ACTR8: variants seen among roughly 807,000 people sequenced by gnomAD.
ACTR8 encodes actin-related protein 8.
Under a neutral mutation model 84.3 loss-of-function variants are expected in ACTR8, and 70 were observed. The observed-to-expected ratio is 0.83, with a 90% CI of 0.68 to 1.01. ACTR8 has a LOEUF of 1.01. Ranked by LOEUF, ACTR8 falls within the 50% of genes least tolerant of loss-of-function variation. The pLI, the probability that ACTR8 is intolerant of heterozygous loss-of-function variation, is 0.00. For synonymous variants in ACTR8, 268 were observed against 275.2 expected, an observed-to-expected ratio of 0.97 and a Z score of 0.26; for missense variants, 672 against 775.4, an observed-to-expected ratio of 0.87 and a Z score of 1.58.
Position 53,867,202 on chromosome 3 carries a change from A to AT in ACTR8, c.*1516dup, listed in dbSNP as rs1220588381. ...TTCCTTTGAAACAGCTCTACCAGTT[A>AT]TAAGAGCAATATGCTGTTAGGTGAA... On this transcript the variant is annotated 3_prime_UTR_variant, in exon 13 of 13. Transcript: ENST00000335754. 1.3e-5 allele frequency: 2 copies of AT among 152,264 alleles called. No individual in the cohort carries two copies. The highest frequency in any genetic ancestry group is 4.8e-5 in the African/African-American group (2 of 41,472). The allele number at this position is 152,264 out of a possible 1,614,324, so 9.4% of individuals were successfully genotyped here.
chr3:53,865,390 T>C (rs1259631700), downstream of ACTR8: 1 of 1,097,514 alleles, frequency 9.1e-7, no homozygotes, highest in East Asian at 2.5e-5. Context: ...TCCTGAAGCT[T>C]ACTATGCAGC....
At chr3:53,869,953 A>C in intron 12 of ACTR8, 29 bp downstream of exon 12, 1 of 1,610,610 alleles carries the variant, frequency 6.2e-7, no homozygotes, top group Non-Finnish European at 8.5e-7. Context: ...ATTTGCATAC[A>C]GTCCAACTTG....
the ACTR8 span, among the ~76,000 whole-genome samples, chr3:53,861,990 A>ACC: frequency 7.2e-5 from 11 of 152,168 alleles, no homozygotes; most frequent in African/African-American, 2.4e-4. Flanking sequence ...AAAGCTGCTA[A>ACC]CCCCCTGGCC....
chr3:53,882,119 A>C lies in ACTR8; in HGVS notation c.-18T>G. The C allele has an allele frequency of 1.3e-6, 2 of 1,550,998 alleles. No individual in the cohort carries two copies. Among genetic ancestry groups the C allele is most frequent in the African/African-American group, 2.7e-5 (2 of 73,096 alleles). On this transcript the variant is annotated 5_prime_UTR_variant, in exon 1 of 13. Coordinates refer to ENST00000335754, the MANE Select transcript of ACTR8 (RefSeq NM_022899.5). ...TGGGTCATTATGGCCGGAGACACCC[A>C]CCAACCTCTCGCCTCAGCGCTGCAG...
At chr3:53,868,979 T>C in intron 12 of ACTR8, 117 bp from the exon 13 acceptor site, 1 of 1,365,290 alleles carries the variant, frequency 7.3e-7, no homozygotes, top group Admixed American at 2.6e-5. Context: ...AGCCAGGCTT[T>C]CACCCTGTAT....
Position 53,873,040 on chromosome 3 carries a change from T to A in ACTR8, c.1153A>T (p.Lys385Ter). Residue 385 changes from lysine to a stop codon, truncating the protein, a stop_gained, in exon 9 of 13, where the codon AAA becomes TAA. Transcript: ENST00000335754. LOFTEE classifies it high-confidence loss of function. ...AGATACCTATAAGTTACCTGCAGTT[T>A]TTCATCTCCTAATCGAAACTGGTAA... ...LLYQFRLGDE[K>*]LQAPMALFYP... 2 of 1,609,040 alleles carry A rather than the reference T, an allele frequency of 1.2e-6. No individual in the cohort carries two copies. The highest frequency in any genetic ancestry group is 1.7e-6 in the Non-Finnish European group (2 of 1,176,796).
intron 1 of ACTR8, 143 bp downstream of exon 1, chr3:53,881,836 A>C: frequency 7.3e-7 from 1 of 1,371,738 alleles, no homozygotes; most frequent in Non-Finnish European, 9.8e-7. Flanking sequence ...ACCACCCGGA[A>C]AAGAACGACC....
chr3:53,860,293 G>T, the ACTR8 span: 1 of 1,357,398 alleles, frequency 7.4e-7, no homozygotes, highest in East Asian at 2.3e-5. Flanking sequence ...TTTTTTTAAA[G>T]AAGATTCCTC....
chr3:53,863,838 T>G (rs1426186150), downstream of ACTR8, among the ~76,000 whole-genome samples: 1 of 126,904 alleles, frequency 7.9e-6, no homozygotes, highest in African/African-American at 3.1e-5. Context: ...TTTTTTTTTT[T>G]TTGAGACAGG....
Position 53,874,197 on chromosome 3 carries a change from G to T in ACTR8, c.1065+14C>A. On this transcript the variant is annotated intron_variant, in intron 8 of 12. Coordinates refer to ENST00000335754, the MANE Select transcript of ACTR8 (RefSeq NM_022899.5). Reference sequence around the variant, plus strand: ...AGAAACAAAAATAATCAGCAATATTGATTCTGCTCCCACCTGATCTAAATG... The same window carrying T: ...AGAAACAAAAATAATCAGCAATATTTATTCTGCTCCCACCTGATCTAAATG... 1 of 1,593,190 alleles carries T rather than the reference G, an allele frequency of 6.3e-7. No homozygotes were observed. The highest frequency in any genetic ancestry group is 1.1e-5 in the South Asian group (1 of 87,482).
At chr3:53,866,421 T>C (rs1175390489), downstream of ACTR8, among the ~76,000 whole-genome samples, 1 of 152,112 alleles carries the variant, frequency 6.6e-6, no homozygotes, top group Non-Finnish European at 1.5e-5. Context: ...TGACAGAACA[T>C]AAAAGATGCA....
chr3:53,880,220 A>G (rs1208966850), intron 1 of ACTR8, 111 bp from the exon 2 acceptor site: 20 of 1,110,260 alleles, frequency 1.8e-5, no homozygotes, highest in Non-Finnish European at 2.3e-5. Context: ...AGGTATCAAA[A>G]TAATTCAATA....
chr3:53,878,680 T>C (rs573935206), intron 2 of ACTR8, among the ~76,000 whole-genome samples: 5 of 152,240 alleles, frequency 3.3e-5, no homozygotes, highest in African/African-American at 1.2e-4. Context: ...AGAAATTAGC[T>C]GGGTGTGGTG....
At position 53,877,382 on chromosome 3, in the gene ACTR8, CAAGG is replaced by C. The variant is rs773519349; in HGVS notation, c.512_515del (p.Ala171GlyfsTer20). On this transcript the variant is annotated frameshift_variant and splice_region_variant, in exon 5 of 13. Coordinates refer to ENST00000335754, the MANE Select transcript of ACTR8 (RefSeq NM_022899.5). LOFTEE classifies it high-confidence loss of function. ...TGTAACAGTCCAGTGGATTAACATA[CAAGG>C]CCTAGAAAAGGAGGAGGGAGATGAG... 1.4e-5 allele frequency: 23 copies of C among 1,597,468 alleles called. No individual in the cohort carries two copies. Among genetic ancestry groups the C allele is most frequent in the Non-Finnish European group, 1.8e-5 (21 of 1,173,528 alleles).
At chr3:53,875,820 G>A in intron 7 of ACTR8, 128 bp downstream of exon 7, 2 of 1,368,798 alleles carry the variant, frequency 1.5e-6, no homozygotes, top group Non-Finnish European at 2.0e-6. Context: ...TAATCTTGCT[G>A]GTTTACCATG....
Position 53,877,359 on chromosome 3 carries a change from T to G in ACTR8, c.539A>C (p.Tyr180Ser). The stretch of plus-strand genomic sequence containing the variant: ...TCTTCTGATAGGCCAGTGAATATTG[T>G]AACAGTCCAGTGGATTAACATACAA... ...EALYVNPLDC[Y>S]NIHWPIRRGQ... The change falls in exon 5 of 13, where the codon TAC (tyrosine) becomes TCC (serine). Residue 180 changes from tyrosine to serine, a missense_variant. By Grantham distance (144) the Tyr-to-Ser change is moderately radical. Transcript: ENST00000335754. The G allele has an allele frequency of 6.2e-7, 1 of 1,612,676 alleles. No homozygotes were observed. Among genetic ancestry groups the G allele is most frequent in the Non-Finnish European group, 8.5e-7 (1 of 1,179,612 alleles).
intron 2 of ACTR8, among the ~76,000 whole-genome samples, chr3:53,879,131 A>G (rs188981854): frequency 1.7e-4 from 26 of 152,372 alleles, no homozygotes; most frequent in African/African-American, 5.3e-4. Context: ...GAAAATGCCC[A>G]TAAATATCTT....
chr3:53,881,497 C>T (rs1025727724), intron 1 of ACTR8, among the ~76,000 whole-genome samples: 19 of 152,200 alleles, frequency 1.2e-4, no homozygotes, highest in African/African-American at 4.6e-4. Context: ...TGCTTTTAAG[C>T]TTGAAATGAC....
intron 2 of ACTR8, among the ~76,000 whole-genome samples, chr3:53,879,470 T>A (rs1700027028): frequency 6.6e-6 from 1 of 151,940 alleles, no homozygotes; most frequent in African/African-American, 2.4e-5. Context: ...ATAAAGTAGA[T>A]GCTTACTGCA....
Sources: gnomAD v4.1 joint callset for allele counts (sites outside exome capture counted in the v4.1 genomes callset) on GRCh38, gnomAD v4.1.1 for gene constraint, MANE v1.5 for transcripts, NCBI Gene and HGNC (gene_info 2026-07-23, HGNC 2026-07-21) for gene names.